Variants in SEPTIN9 observed in about 807,000 individuals in gnomAD.
SEPTIN9 encodes the protein septin-9.
A neutral mutation model predicts 56.6 loss-of-function variants in SEPTIN9; 13 were observed. That is an observed-to-expected ratio of 0.23 (90% CI 0.15 to 0.37). The LOEUF (loss-of-function observed/expected upper bound fraction) is 0.37. Ranked by LOEUF, SEPTIN9 falls within the 10% of genes least tolerant of loss-of-function variation. The pLI, the probability that SEPTIN9 is intolerant of heterozygous loss-of-function variation, is 1.00. For synonymous variants in SEPTIN9, 332 were observed against 334.1 expected (o/e 0.99, Z 0.07); for missense variants, 650 against 823.1 (o/e 0.79, Z 2.57).
In SEPTIN9 at chr17:77,310,518, G is replaced by A. The variant is rs559755930; in HGVS notation, c.76+3321G>A. 2.6e-5 allele frequency among the ~76,000 whole-genome samples: 4 copies of A among 152,262 alleles called. No individual in the cohort carries two copies. Among genetic ancestry groups the A allele is most frequent in the Admixed American group, 6.5e-5 (1 of 15,284 alleles). Reference sequence around the variant, plus strand: ...CTGTGTGGGGAGGCAGAGTTTGCCCGTCCCGTGGCCCACTGGTGACATCGC... The same window carrying A: ...CTGTGTGGGGAGGCAGAGTTTGCCCATCCCGTGGCCCACTGGTGACATCGC... On this transcript the variant is annotated intron_variant, in intron 2 of 11. Transcript: ENST00000427177. The surrounding 1 kb of genome is among the most constrained non-coding windows in gnomAD (Gnocchi z 4.7).
Position 77,405,908 on chromosome 17 carries a change from A to G in SEPTIN9, c.721+3205A>G, listed in dbSNP as rs1568043435. 6.6e-6 allele frequency among the ~76,000 whole-genome samples: 1 copy of G among 152,026 alleles called. No individual in the cohort carries two copies. The highest frequency in any genetic ancestry group is 1.9e-4 in the East Asian group (1 of 5,178). ...GCCCCGACATGCACAGCTCTGACCA[A>G]TCTCTGCGGCCCCTCTGTCCCCCGA... On this transcript the variant is annotated intron_variant, in intron 3 of 11. Coordinates refer to ENST00000427177, the MANE Select transcript of SEPTIN9 (RefSeq NM_001113491.2). This position sits in a 1 kb window ranked among gnomAD's most constrained non-coding sequence, Gnocchi z 5.8.
chr17:77,362,156 G>A (rs2034439289), intron 2 of SEPTIN9, among the ~76,000 whole-genome samples: 1 of 152,276 alleles, frequency 6.6e-6, no homozygotes, highest in Non-Finnish European at 1.5e-5. Context: ...GGGGGCAGAG[G>A]CCTGTACTCC....
At position 77,402,662 on chromosome 17, in the gene SEPTIN9, C is replaced by A. The variant is rs377297974; in HGVS notation, c.680C>A (p.Pro227His). The change falls in exon 3 of 12, where the codon CCC becomes CAC. Residue 227 changes from proline (P) to histidine (H), a missense_variant. This residue lies in a region of SEPTIN9 where 317 missense variants were observed against 329.1 expected (regional missense o/e 0.96). Transcript: ENST00000427177. The surrounding 1 kb of genome is among the most constrained non-coding windows in gnomAD (Gnocchi z 6.6). ...SQLQSRLEPK[P>H]QPPVAEATPR... ...CTGCAGAGCAGGCTGGAGCCCAAGC[C>A]CCAGCCCCCTGTGGCTGAGGCTACA... 3 of 1,609,284 alleles carry A rather than the reference C, an allele frequency of 1.9e-6. No homozygotes were observed. Among genetic ancestry groups the A allele is most frequent in the Non-Finnish European group, 2.5e-6 (3 of 1,177,608 alleles).
chr17:77,482,901 G>C (rs983176773), intron 4 of SEPTIN9: 2 of 272,752 alleles, frequency 7.3e-6, no homozygotes, highest in Non-Finnish European at 1.4e-5. Flanking sequence ...GCCGCCTGTT[G>C]TTTCCAAAGC....
chr17:77,410,578 C>T (rs1568046997), intron 3 of SEPTIN9, among the ~76,000 whole-genome samples: 1 of 152,244 alleles, frequency 6.6e-6, no homozygotes, highest in Non-Finnish European at 1.5e-5. Flanking sequence ...GGGCTGCCGC[C>T]CCTGCCCTGC....
intron 2 of SEPTIN9, among the ~76,000 whole-genome samples, chr17:77,381,257 A>G (rs980585989): frequency 1.3e-5 from 2 of 152,156 alleles, no homozygotes; most frequent in African/African-American, 4.8e-5. Flanking sequence ...ATTCCTGGCC[A>G]TGGGGAATGT....
At chr17:77,478,833 C>G (rs2039332939) in intron 3 of SEPTIN9, among the ~76,000 whole-genome samples, 1 of 148,608 alleles carries the variant, frequency 6.7e-6, no homozygotes, top group Non-Finnish European at 1.5e-5. Flanking sequence ...GTGGAACATA[C>G]AAGGAATTTG....
At position 77,499,905 on chromosome 17, in the gene SEPTIN9, GCA is replaced by G. The variant is rs1426564497; in HGVS notation, c.*1250_*1251del. On this transcript the variant is annotated 3_prime_UTR_variant, in exon 12 of 12. Transcript: ENST00000427177. ...AAAGGAGAGAACGGGCGTCAGGGGT[GCA>G]CAGTCCACAGCTGAAGAGCAAGGTT... is the stretch of plus-strand genomic sequence containing the variant. The G allele has an allele frequency of 3.7e-6, 1 of 272,970 alleles. No individual in the cohort carries two copies. 16.9% of individuals were successfully genotyped at this position (272,970 alleles called of 1,614,324 possible).
intron 2 of SEPTIN9, chr17:77,380,373 C>T (rs7222368): frequency 0.69 from 104,704 of 150,762 alleles, 36,472 homozygotes; most frequent in African/African-American, 0.75. Flanking sequence ...CTGGGCTTCT[C>T]GTATTTTTTT....
intron 3 of SEPTIN9, among the ~76,000 whole-genome samples, chr17:77,412,068 T>C (rs1236835714): frequency 6.8e-6 from 1 of 146,392 alleles, no homozygotes; most frequent in African/African-American, 2.6e-5. Context: ...AGGCAGAGGT[T>C]GCAGTGAGCC....
chr17:77,299,484 G>T (rs2031945240), intron 1 of SEPTIN9, among the ~76,000 whole-genome samples: 1 of 152,188 alleles, frequency 6.6e-6, no homozygotes, highest in Non-Finnish European at 1.5e-5. Flanking sequence ...TTGGAGAATT[G>T]CTTGAGTCCA....
intron 1 of SEPTIN9, chr17:77,288,039 G>C (rs1253448512): frequency 9.4e-7 from 1 of 1,062,550 alleles, no homozygotes; most frequent in South Asian, 4.6e-5. Flanking sequence ...CCCTGAGTGT[G>C]TGGGTCCCCA....
intron 3 of SEPTIN9, among the ~76,000 whole-genome samples, chr17:77,423,894 C>G (rs529967765): frequency 2.0e-5 from 3 of 152,138 alleles, no homozygotes; most frequent in Non-Finnish European, 2.9e-5. Context: ...CAGGTGCCAG[C>G]GATGAGCTCA....
At position 77,498,599 on chromosome 17, in the gene SEPTIN9, G is replaced by A; in HGVS notation, c.1702G>A (p.Gly568Ser). Residue 568 changes from glycine to serine, a missense_variant, in exon 12 of 12, where the codon GGC becomes AGC. This residue lies in a region of SEPTIN9 where 333 missense variants were observed against 494.0 expected (regional missense o/e 0.67). Coordinates refer to ENST00000427177, the MANE Select transcript of SEPTIN9 (RefSeq NM_001113491.2). ...EAYRVKRLNEGSSAMANGMEE... is the reference protein window; with the variant it reads ...EAYRVKRLNESSSAMANGMEE... ...GTACCGTGTGAAGCGCCTCAACGAG[G>A]GCAGCAGCGCCATGGCCAACGGCAT... is the stretch of plus-strand genomic sequence containing the variant. The A allele has an allele frequency of 6.2e-7, 1 of 1,610,068 alleles. No individual in the cohort carries two copies.
chr17:77,422,206 G>A (rs763671091), intron 3 of SEPTIN9, among the ~76,000 whole-genome samples: 36 of 152,148 alleles, frequency 2.4e-4, no homozygotes, highest in Non-Finnish European at 3.5e-4. Context: ...CAGGACCCGG[G>A]CCTCAGCCTT....
intron 2 of SEPTIN9, among the ~76,000 whole-genome samples, chr17:77,343,693 G>T (rs1321208169): frequency 6.6e-6 from 1 of 152,106 alleles, no homozygotes; most frequent in Non-Finnish European, 1.5e-5. Flanking sequence ...TTAACCTATG[G>T]GATCTGCACT....
rs1389646756 is a variant in SEPTIN9 at position 77,329,836 on chromosome 17, C to T, written c.76+22639C>T. Reference sequence around the variant, plus strand: ...GCTGGGGTGAGGCAGAACCTCCCTCCCATATTTACAGCACCAGCCAAGGCT... The same window carrying T: ...GCTGGGGTGAGGCAGAACCTCCCTCTCATATTTACAGCACCAGCCAAGGCT... On this transcript the variant is annotated intron_variant, in intron 2 of 11. Transcript: ENST00000427177. The surrounding 1 kb of genome is among the most constrained non-coding windows in gnomAD (Gnocchi z 4.3). Among the ~76,000 whole-genome samples the T allele has an allele frequency of 6.6e-6, 1 of 152,190 alleles. No individual in the cohort carries two copies. The highest frequency in any genetic ancestry group is 1.5e-5 in the Non-Finnish European group (1 of 68,024).
rs1054349387 is a variant in SEPTIN9 at position 77,319,808 on chromosome 17, G to C, written c.76+12611G>C. 1 of 1,076,036 alleles carries C rather than the reference G, an allele frequency of 9.3e-7. No homozygotes were observed. The highest frequency in any genetic ancestry group is 4.9e-5 in the Admixed American group (1 of 20,346). The allele number at this position is 1,076,036 out of a possible 1,614,324, so 66.7% of individuals were successfully genotyped here. A position where few individuals can be genotyped will look rare whatever the true frequency, so the allele number is the denominator to read the frequency against. Reference sequence around the variant, plus strand: ...AGTCGTCAGGAATTTGACTCTGTGAGTTGGTTTCCAAGAGTCTAAGTTAAG... The same window carrying C: ...AGTCGTCAGGAATTTGACTCTGTGACTTGGTTTCCAAGAGTCTAAGTTAAG... On this transcript the variant is annotated intron_variant, in intron 2 of 11. Transcript: ENST00000427177. The surrounding 1 kb of genome is among the most constrained non-coding windows in gnomAD (Gnocchi z 5.3).
At position 77,371,496 on chromosome 17, in the gene SEPTIN9, C is replaced by T. The variant is rs1429714644; in HGVS notation, c.77-30563C>T. ...TTTAGAAAAACACTCGAGAATAATG[C>T]TGTGGCTTAGGATGGCTGTTGTGCC... On this transcript the variant is annotated intron_variant, in intron 2 of 11. Coordinates refer to ENST00000427177, the MANE Select transcript of SEPTIN9 (RefSeq NM_001113491.2). The surrounding 1 kb of genome is among the most constrained non-coding windows in gnomAD (Gnocchi z 4.1). Among the ~76,000 whole-genome samples the T allele has an allele frequency of 6.6e-6, 1 of 152,218 alleles. No homozygotes were observed. The highest frequency in any genetic ancestry group is 1.5e-5 in the Non-Finnish European group (1 of 68,046).
Sources: allele counts gnomAD v4.1 joint callset (sites outside exome capture counted in the v4.1 genomes callset), GRCh38; gene constraint gnomAD v4.1.1; regional missense constraint gnomAD v4.1.1; non-coding constraint Gnocchi (gnomAD v3.1); transcripts MANE v1.5; gene names NCBI Gene and HGNC (gene_info 2026-07-23, HGNC 2026-07-21).